Variants in ACAP2 observed in about 807,000 individuals in gnomAD.
ACAP2 encodes the protein ArfGAP with coiled-coil, ankyrin repeat and PH domains 2, also known as arf-GAP with coiled-coil, ANK repeat and PH domain-containing protein 2.
Under a neutral mutation model 115.8 loss-of-function variants are expected in ACAP2, and 39 were observed. The ratio of observed to expected loss-of-function variants is 0.34; its 90% CI spans 0.26 to 0.44. The LOEUF (loss-of-function observed/expected upper bound fraction) is 0.44. Ranked by LOEUF, ACAP2 falls within the 20% of genes least tolerant of loss-of-function variation. ACAP2 has a pLI of 1.00. For synonymous variants in ACAP2, 289 were observed against 315.8 expected (o/e 0.92, Z 0.90); for missense variants, 662 against 927.6 (o/e 0.71, Z 3.72).
chr3:195,325,782 C>T (rs920757708), intron 9 of ACAP2, among the ~76,000 whole-genome samples: 3 of 152,274 alleles, frequency 2.0e-5, no homozygotes, highest in East Asian at 3.9e-4. Context: ...GTCATTAAAA[C>T]TCATTACCCA....
intron 6 of ACAP2, among the ~76,000 whole-genome samples, 197 bp from the exon 7 acceptor site, chr3:195,337,173 T>C (rs556403787): frequency 1.4e-4 from 22 of 152,342 alleles, no homozygotes; most frequent in African/African-American, 5.3e-4. Flanking sequence ...TTCTCGTACA[T>C]TTCTGAGCTA....
rs1726187008 is a variant in ACAP2, at chr3:195,276,394, A to G, written c.*2934T>C. The G allele has an allele frequency of 6.6e-6, 1 of 152,244 alleles. No homozygotes were observed. The highest frequency in any genetic ancestry group is 1.5e-5 in the Non-Finnish European group (1 of 68,038). 9.4% of individuals were successfully genotyped at this position (152,244 alleles called of 1,614,324 possible). On this transcript the variant is annotated 3_prime_UTR_variant, in exon 23 of 23. Transcript: ENST00000326793. The stretch of plus-strand genomic sequence containing the variant: ...AAGGTAACTTTTTAAAACCTTAGAA[A>G]TCTTAAGCACATAAATGTTATAATG...
At chr3:195,395,088 T>C (rs1711632079) in intron 1 of ACAP2, among the ~76,000 whole-genome samples, 1 of 144,716 alleles carries the variant, frequency 6.9e-6, no homozygotes, top group Non-Finnish European at 1.5e-5. Flanking sequence ...AACTAATAAG[T>C]GAAATAAAAG....
chr3:195,287,727 T>A (rs1219404036), intron 21 of ACAP2, among the ~76,000 whole-genome samples: 1 of 152,158 alleles, frequency 6.6e-6, no homozygotes, highest in East Asian at 1.9e-4. Flanking sequence ...AATTAGAGAA[T>A]CCTCTAATTC....
intron 4 of ACAP2, 102 bp from the exon 5 acceptor site, chr3:195,345,419 A>C (rs1731134708): frequency 1.4e-6 from 1 of 708,072 alleles, no homozygotes; most frequent in Non-Finnish European, 2.5e-6. Context: ...TTCAATTCTA[A>C]TACCGTCTAT....
Position 195,342,453 on chromosome 3 carries a change from C to G in ACAP2, c.528+18G>C. On this transcript the variant is annotated intron_variant, in intron 6 of 22. Coordinates refer to ENST00000326793, the MANE Select transcript of ACAP2 (RefSeq NM_012287.6). ...AGTAAGCACTGTCTGAAAACATACA[C>G]AGTAAGAAACTATATACCTGAAGCA... 6.3e-7 allele frequency: 1 copy of G among 1,575,408 alleles called. No homozygotes were observed. Among genetic ancestry groups the G allele is most frequent in the South Asian group, 1.2e-5 (1 of 83,566 alleles).
intron 10 of ACAP2, among the ~76,000 whole-genome samples, chr3:195,313,928 T>C (rs926965219): frequency 6.6e-6 from 1 of 152,194 alleles, no homozygotes; most frequent in African/African-American, 2.4e-5. Flanking sequence ...ATTATTGTGG[T>C]GACTTCACTT....
chr3:195,331,998 G>C (rs978936516), intron 8 of ACAP2, among the ~76,000 whole-genome samples: 1 of 151,900 alleles, frequency 6.6e-6, no homozygotes, highest in Admixed American at 6.6e-5. Flanking sequence ...GCCGGGCATG[G>C]TGGCGGGCAC....
chr3:195,398,637 C>CTAAATAAATAAATAAATAAATAAA (rs55788907), intron 1 of ACAP2, among the ~76,000 whole-genome samples: 1 of 142,776 alleles, frequency 7.0e-6, no homozygotes, highest in African/African-American at 2.6e-5. Flanking sequence ...AACTCCAACT[C>CTAAATAAATAAATAAATAAATAAA]TAAATAAATA....
intron 15 of ACAP2, among the ~76,000 whole-genome samples, chr3:195,300,993 CA>C (rs1216338303): frequency 6.6e-6 from 1 of 152,132 alleles, no homozygotes; most frequent in African/African-American, 2.4e-5. Context: ...ACAGCCTGCA[CA>C]AGGGAGCGAA....
At chr3:195,291,903 T>C in intron 19 of ACAP2, 88 bp from the exon 20 acceptor site, 13 of 1,115,746 alleles carry the variant, frequency 1.2e-5, no homozygotes, top group Non-Finnish European at 1.6e-5. Flanking sequence ...TGGTTTTCGT[T>C]ACTCAAATAG....
chr3:195,281,950 A>G, intron 22 of ACAP2, among the ~76,000 whole-genome samples: 1 of 152,234 alleles, frequency 6.6e-6, no homozygotes, highest in East Asian at 1.9e-4. Context: ...AGAGTATAAT[A>G]CAAAAATACC....
chr3:195,310,964 C>T (rs187768995), intron 10 of ACAP2, among the ~76,000 whole-genome samples: 1 of 151,736 alleles, frequency 6.6e-6, no homozygotes, highest in Non-Finnish European at 1.5e-5. Context: ...TCCTCCATTG[C>T]TATTATAAAT....
At position 195,392,145 on chromosome 3, in the gene ACAP2, G is replaced by T. The variant is rs1367373253; in HGVS notation, c.56C>A (p.Ala19Glu). The T allele has an allele frequency of 6.2e-7, 1 of 1,610,628 alleles. No homozygotes were observed. The highest frequency in any genetic ancestry group is 2.2e-5 in the East Asian group (1 of 44,772). The part of the protein sequence containing the change: ...ECLKDSPRFR[A>E]ALEEVEGDVA... ...ATCACCTTCTACTTCTTCCAAAGCT[G>T]CCCTAGAAAAATTAAATATAAAATA... Residue 19 changes from alanine to glutamate, a missense_variant and splice_region_variant, in exon 2 of 23, where the codon GCA becomes GAA. By Grantham distance (107) the Ala-to-Glu change is moderately radical (BLOSUM62 -1). Coordinates refer to ENST00000326793, the MANE Select transcript of ACAP2 (RefSeq NM_012287.6).
At chr3:195,294,606 AAATTATATAT>A (rs1727511353) in intron 18 of ACAP2, 103 bp downstream of exon 18, 5 of 91,850 alleles carry the variant, frequency 5.4e-5, no homozygotes, top group East Asian at 3.0e-4. Flanking sequence ...AAAAAAAAAA[AAATTATATAT>A]ATATATATAT....
intron 4 of ACAP2, among the ~76,000 whole-genome samples, chr3:195,360,180 A>G (rs561581410): frequency 3.6e-4 from 55 of 152,334 alleles, no homozygotes; most frequent in African/African-American, 1.3e-3. Flanking sequence ...AGGAATGGAA[A>G]AAGATATTAC....
At chr3:195,290,117 T>C (rs1325441291) in intron 20 of ACAP2, among the ~76,000 whole-genome samples, 1 of 152,170 alleles carries the variant, frequency 6.6e-6, no homozygotes, top group Non-Finnish European at 1.5e-5. Flanking sequence ...GCACCTGTAA[T>C]CTCAGCTACT....
chr3:195,413,892 T>C (rs1400211545), intron 1 of ACAP2, among the ~76,000 whole-genome samples: 3 of 151,876 alleles, frequency 2.0e-5, no homozygotes, highest in Admixed American at 2.0e-4. Flanking sequence ...AGAAGATAAC[T>C]TGAGCCCAGG....
chr3:195,427,896 G>A (rs1177028210), intron 1 of ACAP2, among the ~76,000 whole-genome samples: 10 of 151,840 alleles, frequency 6.6e-5, no homozygotes, highest in Non-Finnish European at 1.3e-4. Flanking sequence ...GACAGAGTGA[G>A]ACCCCATCTC....
Sources: allele counts gnomAD v4.1 joint callset (sites outside exome capture counted in the v4.1 genomes callset), GRCh38; gene constraint gnomAD v4.1.1; transcripts MANE v1.5; gene names NCBI Gene and HGNC (gene_info 2026-07-23, HGNC 2026-07-21).